Variants in VWC2 observed in about 807,000 individuals in gnomAD.
VWC2 encodes the protein brorin.
In VWC2, 14 loss-of-function variants were observed where a neutral mutation model predicts 29.8. The ratio of observed to expected loss-of-function variants is 0.47; its 90% CI spans 0.31 to 0.74. The LOEUF is 0.74. Among genes scored for constraint, VWC2 ranks in the 30% least tolerant of loss-of-function variants. The pLI is 0.05. For synonymous variants in VWC2, 213 were observed against 199.0 expected (o/e 1.07, Z -0.59); for missense variants, 457 against 459.8 (o/e 0.99, Z 0.05).
chr7:49,787,541 C>T (rs569928493), intron 2 of VWC2, among the ~76,000 whole-genome samples: 2 of 152,260 alleles, frequency 1.3e-5, no homozygotes, highest in Non-Finnish European at 2.9e-5. Context: ...CAAGCCCCAC[C>T]CGTGGGGAGC....
At chr7:49,844,016 C>T (rs974292907) in intron 3 of VWC2, among the ~76,000 whole-genome samples, 2 of 152,088 alleles carry the variant, frequency 1.3e-5, no homozygotes, top group Non-Finnish European at 2.9e-5. Context: ...CTGGGTTTGG[C>T]CATGGAATTG....
In VWC2 at chr7:49,781,697, G is replaced by A. The variant is rs574790218; in HGVS notation, c.696+5566G>A. On this transcript the variant is annotated intron_variant, in intron 2 of 3. Coordinates refer to ENST00000340652, the MANE Select transcript of VWC2 (RefSeq NM_198570.5). ...GTGGTGGAGAACATTTCAGGTACCC[G>A]GAAAAAGGAAAAGTTATACAAGCCC... 3.9e-5 allele frequency among the ~76,000 whole-genome samples: 6 copies of A among 152,140 alleles called. No homozygotes were observed. The East Asian group carries it at 7.7e-4, about 20-fold the overall frequency.
At chr7:49,848,406 G>A (rs1352830925) in intron 3 of VWC2, among the ~76,000 whole-genome samples, 1 of 152,224 alleles carries the variant, frequency 6.6e-6, no homozygotes, top group Non-Finnish European at 1.5e-5. Context: ...TGAGAGCCGG[G>A]CATGGCCCCG....
intron 3 of VWC2, among the ~76,000 whole-genome samples, chr7:49,878,104 G>T (rs7809987): frequency 0.71 from 107,414 of 151,886 alleles, 38,463 homozygotes; most frequent in East Asian, 0.88. Context: ...TCCCCTTGAC[G>T]TAAATGTTAA....
intron 3 of VWC2, among the ~76,000 whole-genome samples, chr7:49,877,481 A>AAAAAAAAAATATAT: frequency 7.9e-5 from 1 of 12,722 alleles, no homozygotes; most frequent in African/African-American, 2.8e-4. Flanking sequence ...AAAAAAAAAA[A>AAAAAAAAAATATAT]ATATATATAT....
intron 3 of VWC2, among the ~76,000 whole-genome samples, chr7:49,870,177 G>A (rs1052155394): frequency 6.6e-6 from 1 of 152,140 alleles, no homozygotes; most frequent in Admixed American, 6.5e-5. Context: ...GAGGTGGGCG[G>A]ATCACGAGGT....
At chr7:49,864,485 C>A (rs1417303406) in intron 3 of VWC2, among the ~76,000 whole-genome samples, 1 of 152,108 alleles carries the variant, frequency 6.6e-6, no homozygotes, top group Admixed American at 6.6e-5. Flanking sequence ...TTAGAATGCC[C>A]GAATATCCCA....
chr7:49,903,039 G>T (rs1041146776), intron 3 of VWC2, among the ~76,000 whole-genome samples: 1 of 152,108 alleles, frequency 6.6e-6, no homozygotes, highest in Non-Finnish European at 1.5e-5. Context: ...CGCCACTAGG[G>T]AAATACAAAT....
intron 3 of VWC2, among the ~76,000 whole-genome samples, chr7:49,883,174 T>G (rs1791745892): frequency 6.6e-6 from 1 of 152,042 alleles, no homozygotes; most frequent in Non-Finnish European, 1.5e-5. Flanking sequence ...TATGCAGGTT[T>G]GAGCTTGAGG....
At chr7:49,881,870 G>T (rs1363940189) in intron 3 of VWC2, among the ~76,000 whole-genome samples, 2 of 151,758 alleles carry the variant, frequency 1.3e-5, no homozygotes, top group Admixed American at 6.6e-5. Flanking sequence ...TGAATTCATA[G>T]ATTTTTTAAT....
intron 3 of VWC2, among the ~76,000 whole-genome samples, chr7:49,830,556 A>G (rs1055539817): frequency 8.5e-5 from 13 of 152,128 alleles, no homozygotes; most frequent in Non-Finnish European, 1.6e-4. Context: ...TCTAGGGTAC[A>G]TGTGCACAAT....
At chr7:49,830,078 A>G (rs1789490939) in intron 3 of VWC2, among the ~76,000 whole-genome samples, 1 of 152,138 alleles carries the variant, frequency 6.6e-6, no homozygotes, top group Non-Finnish European at 1.5e-5. Flanking sequence ...TTCTTCCTTC[A>G]AAAGAAAAGT....
intron 2 of VWC2, among the ~76,000 whole-genome samples, chr7:49,788,562 TGTGA>T (rs1788357512): frequency 7.0e-6 from 1 of 141,908 alleles, no homozygotes; most frequent in Non-Finnish European, 1.5e-5. Context: ...TGTGAGAGTG[TGTGA>T]GTGTGGGCAT....
intron 2 of VWC2, among the ~76,000 whole-genome samples, chr7:49,782,542 TA>T (rs11354472): frequency 0.23 from 33,314 of 145,510 alleles, 4,548 homozygotes; most frequent in Middle Eastern, 0.39. Context: ...TTCTAGTGGT[TA>T]AAAAAAAAAA....
At position 49,776,047 on chromosome 7, in the gene VWC2, G is replaced by T. The variant is rs1261371262; in HGVS notation, c.612G>T (p.Thr204=). Residue 204 remains threonine (T), a synonymous_variant, in exon 2 of 4, where the codon ACG becomes ACT. Transcript: ENST00000340652. ...ACCCGCGCTGCATCCACGTCGACAC[G>T]AGCCAGTGCTGCCCGCAGTGCAAGG... ...RLHPRCIHVD[T]SQCCPQCKER... is the part of the protein sequence containing the mutation. 6.4e-7 allele frequency: 1 copy of T among 1,551,638 alleles called. No homozygotes were observed. Among genetic ancestry groups the T allele is most frequent in the Admixed American group, 1.9e-5 (1 of 52,734 alleles).
At chr7:49,857,813 A>T (rs1790485267) in intron 3 of VWC2, among the ~76,000 whole-genome samples, 1 of 152,212 alleles carries the variant, frequency 6.6e-6, no homozygotes, top group Non-Finnish European at 1.5e-5. Flanking sequence ...ATCCATAAAA[A>T]GTGAATCAGA....
intron 3 of VWC2, among the ~76,000 whole-genome samples, chr7:49,870,191 G>A (rs892127122): frequency 2.6e-5 from 4 of 152,176 alleles, no homozygotes; most frequent in African/African-American, 9.7e-5. Context: ...ACGAGGTCAG[G>A]AGATCAAGAC....
chr7:49,837,192 C>A (rs1789684104), intron 3 of VWC2, among the ~76,000 whole-genome samples: 1 of 152,120 alleles, frequency 6.6e-6, no homozygotes, highest in African/African-American at 2.4e-5. Context: ...AGAATTGCAA[C>A]TGTGATATTC....
At chr7:49,774,142 G>A (rs1787998642) in intron 1 of VWC2, 29 bp downstream of exon 1, 1 of 152,512 alleles carries the variant, frequency 6.6e-6, no homozygotes, top group East Asian at 1.9e-4. Flanking sequence ...GGTCTTCAGG[G>A]CTGAGGGTGC....
Sources: gnomAD v4.1 joint callset for allele counts (sites outside exome capture counted in the v4.1 genomes callset) on GRCh38, gnomAD v4.1.1 for gene constraint, MANE v1.5 for transcripts, NCBI Gene and HGNC (gene_info 2026-07-23, HGNC 2026-07-21) for gene names.